The following FSTL4 variants were observed in gnomAD, a reference collection of about 807,000 sequenced individuals.
FSTL4 encodes follistatin like 4, also known as follistatin-related protein 4.
Under a neutral mutation model 78.2 loss-of-function variants are expected in FSTL4, and 28 were observed. The observed-to-expected ratio is 0.36, with a 90% confidence interval of 0.27 to 0.49. The LOEUF (loss-of-function observed/expected upper bound fraction) is 0.49, where lower values mean the gene tolerates loss of function less well. Among genes scored for constraint, FSTL4 ranks in the 20% least tolerant of loss-of-function variants. FSTL4 has a pLI of 0.98. For synonymous variants in FSTL4, 422 were observed against 440.5 expected (o/e 0.96, Z 0.53); for missense variants, 922 against 1,084.9 (o/e 0.85, Z 2.11).
the FSTL4 span, among the ~76,000 whole-genome samples, chr5:133,695,694 C>T: frequency 6.6e-6 from 1 of 152,200 alleles, no homozygotes; most frequent in Non-Finnish European, 1.5e-5. Flanking sequence ...TGAGGCAAAG[C>T]TCAGAGCCAG....
intron 6 of FSTL4, among the ~76,000 whole-genome samples, chr5:133,300,076 G>A (rs1271115655): frequency 1.3e-5 from 2 of 152,104 alleles, no homozygotes; most frequent in Admixed American, 6.5e-5. Flanking sequence ...TCTGTCCATC[G>A]CTTGGCCACC....
At chr5:133,351,355 C>A (rs1436078353) in intron 4 of FSTL4, among the ~76,000 whole-genome samples, 1 of 152,192 alleles carries the variant, frequency 6.6e-6, no homozygotes, top group African/African-American at 2.4e-5. Flanking sequence ...CTTTCTCAAT[C>A]TGAAGATGAA....
chr5:133,488,731 T>C (rs1246231932), intron 3 of FSTL4, among the ~76,000 whole-genome samples: 4 of 152,174 alleles, frequency 2.6e-5, no homozygotes, highest in Non-Finnish European at 4.4e-5. Flanking sequence ...GAAAACATAG[T>C]AGTAAGAGCT....
intron 3 of FSTL4, among the ~76,000 whole-genome samples, chr5:133,486,769 G>A (rs1488769424): frequency 2.0e-5 from 3 of 152,162 alleles, no homozygotes; most frequent in East Asian, 3.9e-4. Context: ...GCTGGCGGTG[G>A]GTGGGCGGAG....
intron 6 of FSTL4, among the ~76,000 whole-genome samples, chr5:133,281,429 T>G (rs911264193): frequency 6.6e-6 from 1 of 152,086 alleles, no homozygotes; most frequent in Non-Finnish European, 1.5e-5. Flanking sequence ...TTTACACACA[T>G]TTTCTCCTTG....
At chr5:133,461,322 T>G (rs1757587253) in intron 3 of FSTL4, among the ~76,000 whole-genome samples, 1 of 152,224 alleles carries the variant, frequency 6.6e-6, no homozygotes, top group Non-Finnish European at 1.5e-5. Context: ...CCTCCAGAAG[T>G]GGTTCTTCAA....
the FSTL4 span, among the ~76,000 whole-genome samples, chr5:133,694,353 G>A: frequency 6.6e-6 from 1 of 152,104 alleles, no homozygotes; most frequent in Non-Finnish European, 1.5e-5. Flanking sequence ...GATCTGCCAT[G>A]TACCTCCTCT....
At chr5:133,362,087 T>A (rs1400373597) in intron 4 of FSTL4, among the ~76,000 whole-genome samples, 1 of 152,222 alleles carries the variant, frequency 6.6e-6, no homozygotes, top group Non-Finnish European at 1.5e-5. Context: ...TCAACAGTTG[T>A]TCATCATTAT....
chr5:133,700,941 C>T, the FSTL4 span, among the ~76,000 whole-genome samples: 3 of 152,206 alleles, frequency 2.0e-5, no homozygotes, highest in Non-Finnish European at 4.4e-5. Context: ...CAGAACTGCC[C>T]CCACGGACTT....
At chr5:133,568,549 G>T (rs998663804) in intron 2 of FSTL4, among the ~76,000 whole-genome samples, 1 of 152,180 alleles carries the variant, frequency 6.6e-6, no homozygotes, top group African/African-American at 2.4e-5. Context: ...CCCTGGTGGA[G>T]ATCAGTGGAA....
At chr5:133,303,421 A>G (rs1254957079) in intron 6 of FSTL4, among the ~76,000 whole-genome samples, 4 of 152,126 alleles carry the variant, frequency 2.6e-5, no homozygotes, top group South Asian at 2.1e-4. Context: ...CAGGTGTCCA[A>G]TGCCTCTCTC....
At chr5:133,479,129 T>C (rs958419800) in intron 3 of FSTL4, among the ~76,000 whole-genome samples, 1 of 152,226 alleles carries the variant, frequency 6.6e-6, no homozygotes, top group Non-Finnish European at 1.5e-5. Context: ...TTTGATTTCC[T>C]TCCCAGCACT....
the FSTL4 span, among the ~76,000 whole-genome samples, chr5:133,768,638 A>T: frequency 6.6e-6 from 1 of 152,172 alleles, no homozygotes; most frequent in African/African-American, 2.4e-5. Context: ...AGAGAGTTTC[A>T]TTCTGTGTAA....
chr5:133,240,142 C>T (rs912054996), intron 7 of FSTL4, among the ~76,000 whole-genome samples: 1 of 152,200 alleles, frequency 6.6e-6, no homozygotes, highest in Non-Finnish European at 1.5e-5. Context: ...GCCAGCGAGA[C>T]CACGAACCCA....
At chr5:133,391,992 G>A (rs1002944876) in intron 4 of FSTL4, among the ~76,000 whole-genome samples, 1 of 152,206 alleles carries the variant, frequency 6.6e-6, no homozygotes, top group Non-Finnish European at 1.5e-5. Context: ...TCTCCAAATA[G>A]TATCTGATGC....
chr5:133,592,077 C>T (rs1011074594), intron 2 of FSTL4, among the ~76,000 whole-genome samples: 1 of 152,106 alleles, frequency 6.6e-6, no homozygotes, highest in Non-Finnish European at 1.5e-5. Context: ...GAGGGTTACT[C>T]CTCCTTAAAT....
At chr5:133,742,079 T>C in the FSTL4 span, among the ~76,000 whole-genome samples, 1 of 152,236 alleles carries the variant, frequency 6.6e-6, no homozygotes, top group Non-Finnish European at 1.5e-5. Flanking sequence ...CTTTCTTGCA[T>C]GGGGTCACTA....
chr5:133,485,399 T>C (rs1468311592), intron 3 of FSTL4, among the ~76,000 whole-genome samples: 2 of 152,156 alleles, frequency 1.3e-5, no homozygotes, highest in Non-Finnish European at 1.5e-5. Context: ...ACCTTGCTGG[T>C]TCAGGCTAAT....
intron 6 of FSTL4, among the ~76,000 whole-genome samples, chr5:133,278,357 C>A (rs1012044224): frequency 6.6e-6 from 1 of 152,230 alleles, no homozygotes; most frequent in Non-Finnish European, 1.5e-5. Context: ...ACCTCGGCTG[C>A]AGTCTTGGCT....
Sources: gnomAD v4.1 joint callset for allele counts (sites outside exome capture counted in the v4.1 genomes callset) on GRCh38, gnomAD v4.1.1 for gene constraint, MANE v1.5 for transcripts, NCBI Gene and HGNC (gene_info 2026-07-23, HGNC 2026-07-21) for gene names.